Variants in PAX8 observed in about 807,000 individuals in gnomAD.
PAX8 encodes paired box protein Pax-8.
PAX8 carries 15 observed loss-of-function variants against 52.4 expected under a neutral mutation model. The ratio of observed to expected loss-of-function variants is 0.29; its 90% CI spans 0.19 to 0.44. PAX8 has a LOEUF of 0.44. Ranked by LOEUF, PAX8 falls within the 20% of genes least tolerant of loss-of-function variation. The pLI is 1.00. For synonymous variants in PAX8, 284 were observed against 249.7 expected (o/e 1.14, Z -1.29); for missense variants, 554 against 602.5 (o/e 0.92, Z 0.84).
rs954140941 is a variant in PAX8, at chr2:113,217,229, G to C, written c.*1304C>G. On this transcript the variant is annotated 3_prime_UTR_variant, in exon 12 of 12. Transcript: ENST00000429538. The stretch of plus-strand genomic sequence containing the variant: ...GGCAGAGGGAGAAGGCCAAGCCAGA[G>C]CTCTGGGGCATCAGATGGTCCCTTC... 4.4e-6 allele frequency: 1 copy of C among 229,474 alleles called. No individual in the cohort carries two copies. The highest frequency in any genetic ancestry group is 8.7e-6 in the Non-Finnish European group (1 of 115,472). The allele number at this position is 229,474 out of a possible 1,614,324, so 14.2% of individuals were successfully genotyped here. A position where few individuals can be genotyped will look rare whatever the true frequency, so the allele number is the denominator to read the frequency against.
At chr2:113,261,634 G>C (rs1376356664) in intron 2 of PAX8, among the ~76,000 whole-genome samples, 1 of 152,198 alleles carries the variant, frequency 6.6e-6, no homozygotes, top group Non-Finnish European at 1.5e-5. Flanking sequence ...GAGGTGAGCT[G>C]TCTAATGTCA....
intron 2 of PAX8, chr2:113,271,067 G>A (rs2104599695): frequency 6.6e-6 from 1 of 152,318 alleles, no homozygotes; most frequent in East Asian, 1.9e-4. Context: ...GAAATGCCTT[G>A]CTTTTAAGCC....
chr2:113,246,700 C>T, intron 3 of PAX8, 54 bp downstream of exon 3: 1 of 1,585,096 alleles, frequency 6.3e-7, no homozygotes, highest in Non-Finnish European at 8.6e-7. Flanking sequence ...CTGAGATCAG[C>T]TGGAGAAGTC....
At position 113,217,205 on chromosome 2, in the gene PAX8, G is replaced by A. The variant is rs1171333125; in HGVS notation, c.*1328C>T. 1 of 229,008 alleles carries A rather than the reference G, an allele frequency of 4.4e-6. No individual in the cohort carries two copies. The highest frequency in any genetic ancestry group is 2.2e-5 in the African/African-American group (1 of 45,090). The allele number at this position is 229,008 out of a possible 1,614,324, so 14.2% of individuals were successfully genotyped here. On this transcript the variant is annotated 3_prime_UTR_variant, in exon 12 of 12. Transcript: ENST00000429538. ...ACCCAGCGTTCAACGTGAATTAAAG[G>A]CAGAGGGAGAAGGCCAAGCCAGAGC...
intron 10 of PAX8, chr2:113,225,979 G>C: frequency 1.0e-6 from 1 of 985,246 alleles, no homozygotes; most frequent in Non-Finnish European, 1.2e-6. Context: ...GGCCAGGAGG[G>C]ACAGAGGAGT....
intron 10 of PAX8, among the ~76,000 whole-genome samples, chr2:113,224,003 T>C (rs1689399546): frequency 1.3e-5 from 2 of 151,614 alleles, no homozygotes; most frequent in Non-Finnish European, 2.9e-5. Flanking sequence ...GATAAAAGGA[T>C]GTATATATAG....
At chr2:113,237,914 G>A (rs1389582965) in intron 7 of PAX8, 1 of 152,162 alleles carries the variant, frequency 6.6e-6, no homozygotes, top group African/African-American at 2.4e-5. Flanking sequence ...AGCACTTTCC[G>A]GTTGCATGCT....
intron 2 of PAX8, among the ~76,000 whole-genome samples, chr2:113,254,652 C>T (rs1024345566): frequency 6.6e-6 from 1 of 152,196 alleles, no homozygotes; most frequent in African/African-American, 2.4e-5. Context: ...GTCCAAGCTA[C>T]TAAATCTTGT....
chr2:113,269,841 A>T lies in PAX8; in HGVS notation c.25+8529T>A, dbSNP rs987711085. ...CCTGTCTTAGCCGCACACACAGCAT[A>T]ACTGCAAACCCACTTGAGCTCATTT... On this transcript the variant is annotated intron_variant, in intron 2 of 11. Coordinates refer to ENST00000429538, the MANE Select transcript of PAX8 (RefSeq NM_003466.4). 2.6e-5 allele frequency: 4 copies of T among 152,228 alleles called. No homozygotes were observed. In the East Asian group the frequency reaches 7.7e-4, roughly 29 times the overall value. 9.4% of individuals were successfully genotyped at this position (152,228 alleles called of 1,614,324 possible).
At chr2:113,260,710 G>C (rs1692602454) in intron 2 of PAX8, among the ~76,000 whole-genome samples, 1 of 152,136 alleles carries the variant, frequency 6.6e-6, no homozygotes, top group African/African-American at 2.4e-5. Context: ...CCGGACAGTT[G>C]AACTAAATGA....
rs754602567 is a variant in PAX8 at position 113,278,354 on chromosome 2, C to T, written c.25+16G>A. 2.5e-6 allele frequency: 4 copies of T among 1,585,636 alleles called. No homozygotes were observed. In the African/African-American group the frequency reaches 5.4e-5, roughly 21 times the overall value. Reference sequence around the variant, plus strand: ...GGCGCGGGGGCTCGGGGATCCTGACCACACCGCGTTCTTACCAGATCTGAT... The same window carrying T: ...GGCGCGGGGGCTCGGGGATCCTGACTACACCGCGTTCTTACCAGATCTGAT... On this transcript the variant is annotated intron_variant, in intron 2 of 11. Coordinates refer to ENST00000429538, the MANE Select transcript of PAX8 (RefSeq NM_003466.4).
intron 9 of PAX8, among the ~76,000 whole-genome samples, chr2:113,232,017 T>G (rs1254918611): frequency 6.6e-6 from 1 of 152,172 alleles, no homozygotes; most frequent in Non-Finnish European, 1.5e-5. Flanking sequence ...TGTGAGCCAT[T>G]GGGCCCAGGT....
At chr2:113,240,712 T>G (rs1282620659) in intron 7 of PAX8, 1 of 152,508 alleles carries the variant, frequency 6.6e-6, no homozygotes, top group East Asian at 1.9e-4. Context: ...TTGTGATGTA[T>G]TATTCTGGAT....
intron 1 of PAX8, 72 bp from the exon 2 acceptor site, chr2:113,278,541 G>T: frequency 1.5e-6 from 2 of 1,295,116 alleles, no homozygotes; most frequent in South Asian, 1.3e-5. Context: ...CCCCTCCCCA[G>T]GCCTCATCCT....
chr2:113,272,767 A>G (rs535471548), intron 2 of PAX8: 1 of 152,312 alleles, frequency 6.6e-6, no homozygotes, highest in East Asian at 1.9e-4. Flanking sequence ...AGGTGTTCCA[A>G]TCTGCATTTG....
At chr2:113,256,785 G>A (rs1692298191) in intron 2 of PAX8, among the ~76,000 whole-genome samples, 1 of 152,072 alleles carries the variant, frequency 6.6e-6, no homozygotes, top group Non-Finnish European at 1.5e-5. Context: ...AAGAGAGTCA[G>A]AAACCCCTGC....
chr2:113,277,649 A>G (rs563773877), intron 2 of PAX8, among the ~76,000 whole-genome samples: 9 of 152,142 alleles, frequency 5.9e-5, no homozygotes, highest in Admixed American at 1.3e-4. Context: ...GCTCCTTCCC[A>G]GCAAAGACCC....
intron 2 of PAX8, among the ~76,000 whole-genome samples, chr2:113,262,391 T>C (rs970832162): frequency 1.3e-5 from 2 of 152,134 alleles, no homozygotes; most frequent in Non-Finnish European, 2.9e-5. Context: ...CCCTCCTCTG[T>C]TGGAGCAATA....
intron 2 of PAX8, among the ~76,000 whole-genome samples, chr2:113,264,625 G>C (rs1165598072): frequency 2.0e-5 from 3 of 152,328 alleles, no homozygotes; most frequent in East Asian, 3.9e-4. Flanking sequence ...GATCTGGAAG[G>C]GTTCTTGTTC....
Sources: gnomAD v4.1 joint callset for allele counts (sites outside exome capture counted in the v4.1 genomes callset) on GRCh38, gnomAD v4.1.1 for gene constraint, MANE v1.5 for transcripts, NCBI Gene and HGNC (gene_info 2026-07-23, HGNC 2026-07-21) for gene names.